PALS2: variants seen among roughly 807,000 people sequenced by gnomAD.
PALS2 encodes the protein protein associated with LIN7 2, MAGUK p55 family member, also known as protein PALS2.
PALS2 carries 27 observed loss-of-function variants against 61.6 expected under a neutral mutation model. That is an observed-to-expected ratio of 0.44 (90% CI 0.32 to 0.60). The LOEUF (loss-of-function observed/expected upper bound fraction) is 0.60, where lower values mean the gene tolerates loss of function less well. PALS2 is among the 20% of genes least tolerant of loss of function. The probability of loss-of-function intolerance (pLI) is 0.05; values close to 1 mark genes in which losing one functional copy is unlikely to be tolerated. For missense variants in PALS2, 554 were observed against 639.4 expected (o/e 0.87, Z 1.44); for synonymous variants, 236 against 218.6 (o/e 1.08, Z -0.70).
intron 2 of PALS2, among the ~76,000 whole-genome samples, chr7:24,633,668 T>C (rs1327206498): frequency 6.6e-6 from 1 of 152,118 alleles, no homozygotes; most frequent in African/African-American, 2.4e-5. Flanking sequence ...GATTTTTGGA[T>C]TGGGGATACT....
chr7:24,655,562 C>T (rs1786370939), intron 5 of PALS2, among the ~76,000 whole-genome samples: 1 of 150,800 alleles, frequency 6.6e-6, no homozygotes, highest in Admixed American at 6.6e-5. Context: ...GCAGTCCTTG[C>T]ACGAACCAGT....
chr7:24,574,312 C>G (rs1204220115), intron 1 of PALS2: 2 of 152,222 alleles, frequency 1.3e-5, no homozygotes, highest in Admixed American at 6.5e-5. Flanking sequence ...GGTGCTGGGG[C>G]TTTTTTATTT....
intron 9 of PALS2, among the ~76,000 whole-genome samples, chr7:24,675,728 T>G (rs1440363864): frequency 7.3e-6 from 1 of 137,216 alleles, no homozygotes; most frequent in South Asian, 2.6e-4. Context: ...AACTCATCAT[T>G]TTTTATGGCT....
chr7:24,637,389 T>C (rs1453490124), intron 2 of PALS2, among the ~76,000 whole-genome samples: 1 of 151,810 alleles, frequency 6.6e-6, no homozygotes, highest in Non-Finnish European at 1.5e-5. Flanking sequence ...ATTCTCTCTG[T>C]CTCATTTCTA....
Position 24,691,240 on chromosome 7 carries a change from CAG to C in PALS2, c.*3627_*3628del, listed in dbSNP as rs1471676414. 1 of 151,480 alleles carries C rather than the reference CAG, an allele frequency of 6.6e-6. No homozygotes were observed. The highest frequency in any genetic ancestry group is 2.4e-5 in the African/African-American group (1 of 41,292). 9.4% of individuals were successfully genotyped at this position (151,480 alleles called of 1,614,324 possible). A position where few individuals can be genotyped will look rare whatever the true frequency, so the allele number is the denominator to read the frequency against. On this transcript the variant is annotated 3_prime_UTR_variant, in exon 12 of 12. Coordinates refer to ENST00000222644, the MANE Select transcript of PALS2 (RefSeq NM_001303037.2). Reference sequence around the variant, plus strand: ...AATTTTACTTTTGTAACTTCTGAAACAGTACTCCATTATCCAGAAATCACAGG... The same window carrying C: ...AATTTTACTTTTGTAACTTCTGAAACTACTCCATTATCCAGAAATCACAGG...
chr7:24,581,458 G>GA (rs1782842788), intron 1 of PALS2, among the ~76,000 whole-genome samples: 1 of 152,174 alleles, frequency 6.6e-6, no homozygotes, highest in African/African-American at 2.4e-5. Flanking sequence ...TGTGGAGGGG[G>GA]AGACTATTAT....
chr7:24,684,840 T>G (rs1490998264), intron 11 of PALS2, among the ~76,000 whole-genome samples: 3 of 152,198 alleles, frequency 2.0e-5, no homozygotes, highest in Non-Finnish European at 4.4e-5. Flanking sequence ...ATAAATAAAC[T>G]AAGCACATAT....
chr7:24,639,799 G>T (rs1785425340), intron 2 of PALS2, among the ~76,000 whole-genome samples: 2 of 146,336 alleles, frequency 1.4e-5, no homozygotes, highest in Admixed American at 6.8e-5. Flanking sequence ...ATTTTTTGTG[G>T]CATTTTCTAG....
chr7:24,584,407 G>A (rs1292790056), intron 1 of PALS2, among the ~76,000 whole-genome samples: 9 of 151,278 alleles, frequency 5.9e-5, no homozygotes, highest in Admixed American at 5.9e-4. Flanking sequence ...TTTCTCTGAT[G>A]GCCAGTGATG....
intron 3 of PALS2, among the ~76,000 whole-genome samples, chr7:24,644,069 T>A (rs1357987502): frequency 6.6e-6 from 1 of 151,850 alleles, no homozygotes; most frequent in Non-Finnish European, 1.5e-5. Context: ...TTAATAATCC[T>A]TGCCTAAATC....
At chr7:24,611,713 G>T (rs2128052274) in intron 1 of PALS2, among the ~76,000 whole-genome samples, 1 of 152,076 alleles carries the variant, frequency 6.6e-6, no homozygotes, top group Non-Finnish European at 1.5e-5. Flanking sequence ...TTGATATTTT[G>T]CCCTTAAAGA....
intron 1 of PALS2, among the ~76,000 whole-genome samples, chr7:24,612,967 C>T (rs1318910527): frequency 3.3e-5 from 5 of 151,722 alleles, no homozygotes; most frequent in African/African-American, 1.2e-4. Flanking sequence ...ACTCTTATTT[C>T]CTTCTGTTTT....
chr7:24,666,849 T>A (rs1331036923), intron 8 of PALS2: 2 of 152,176 alleles, frequency 1.3e-5, no homozygotes, highest in Non-Finnish European at 2.9e-5. Context: ...GAAACTACTA[T>A]ATTTATTCTT....
At chr7:24,653,519 G>A (rs1320972390) in intron 5 of PALS2, among the ~76,000 whole-genome samples, 2 of 152,038 alleles carry the variant, frequency 1.3e-5, no homozygotes, top group East Asian at 3.9e-4. Context: ...AATACCCCAC[G>A]AAGTTTAATT....
chr7:24,680,427 C>G lies in PALS2; in HGVS notation c.1353C>G (p.Pro451=). ...TATTGAGGACATCAGAGTTTATGCCCTATGTGGTATTTATTGCGGCTCCGG... is the reference window on the plus strand; with the variant it reads ...TATTGAGGACATCAGAGTTTATGCCGTATGTGGTATTTATTGCGGCTCCGG... ...LKVLRTSEFM[P]YVVFIAAPEL... Residue 451 remains proline, a synonymous_variant, in exon 11 of 12, where the codon CCC becomes CCG. Transcript: ENST00000222644. 2 of 1,613,354 alleles carry G rather than the reference C, an allele frequency of 1.2e-6. No individual in the cohort carries two copies. The highest frequency in any genetic ancestry group is 1.1e-5 in the South Asian group (1 of 91,058).
rs973248911 is a variant in PALS2 at position 24,596,942 on chromosome 7, G to A, written c.-3+23349G>A. On this transcript the variant is annotated intron_variant, in intron 1 of 11. Transcript: ENST00000222644. This position sits in a 1 kb window ranked among gnomAD's most constrained non-coding sequence, Gnocchi z 4.5. ...GTGAAGATTACTTTGAGACTTTTAT[G>A]AAGTAGAATGAAAAGATTTGAAGAA... Among the ~76,000 whole-genome samples the A allele has an allele frequency of 7.2e-5, 11 of 152,138 alleles. No individual in the cohort carries two copies. Among genetic ancestry groups the A allele is most frequent in the Admixed American group, 7.2e-4 (11 of 15,236 alleles).
At chr7:24,587,313 AATT>A (rs1783106450) in intron 1 of PALS2, among the ~76,000 whole-genome samples, 1 of 151,914 alleles carries the variant, frequency 6.6e-6, no homozygotes, top group Non-Finnish European at 1.5e-5. Context: ...TAAATTATTA[AATT>A]ATTATTATTA....
chr7:24,613,566 C>G (rs1784187767), intron 1 of PALS2, among the ~76,000 whole-genome samples: 1 of 151,800 alleles, frequency 6.6e-6, no homozygotes. Flanking sequence ...TATCCATTGT[C>G]TCAAACATTT....
chr7:24,672,755 T>C (rs769750096), intron 9 of PALS2, among the ~76,000 whole-genome samples: 3 of 152,218 alleles, frequency 2.0e-5, no homozygotes, highest in Non-Finnish European at 2.9e-5. Context: ...GGCTTTGTCT[T>C]TTAGCCTTAT....
Sources: allele counts gnomAD v4.1 joint callset (sites outside exome capture counted in the v4.1 genomes callset), GRCh38; gene constraint gnomAD v4.1.1; non-coding constraint Gnocchi (gnomAD v3.1); transcripts MANE v1.5; gene names NCBI Gene and HGNC (gene_info 2026-07-23, HGNC 2026-07-21).